Variants in SPIN2A observed in about 807,000 individuals in gnomAD.
The protein encoded by SPIN2A is spindlin family member 2A.
SPIN2A carries 4 observed loss-of-function variants against 9.2 expected under a neutral mutation model. That is an observed-to-expected ratio of 0.44 (90% CI 0.21 to 1.00). The LOEUF (loss-of-function observed/expected upper bound fraction) is 1.00, where lower values mean the gene tolerates loss of function less well. SPIN2A is among the 50% of genes least tolerant of loss of function. SPIN2A has a pLI of 0.26. For synonymous variants in SPIN2A, 25 were observed against 61.2 expected (o/e 0.41, Z 2.76); for missense variants, 77 against 172.8 (o/e 0.45, Z 3.11).
chrX:57,142,928 G>C, the SPIN2A span, among the ~76,000 whole-genome samples: 1 of 111,069 alleles, frequency 9.0e-6, no homozygotes, highest in Non-Finnish European at 1.9e-5. Context: ...AGTTATTCCT[G>C]CTCTATTTTG....
At position 57,137,242 on chromosome X, in the gene SPIN2A, C is replaced by G. The variant is rs1035845643; in HGVS notation, c.-6+18G>C. 13 of 759,526 alleles carry G rather than the reference C, an allele frequency of 1.7e-5. No individual in the cohort carries two copies. In the South Asian group the frequency reaches 3.9e-4, roughly 23 times the overall value. The allele number at this position is 759,526 out of a possible 1,213,427, so 62.6% of individuals were successfully genotyped here. ...CCACCGCCGGGGATCGCGGGCCTCA[C>G]GTGCCGAAATCGGATACCTCGATGC... On this transcript the variant is annotated intron_variant, in intron 1 of 1. Coordinates refer to ENST00000374906, the MANE Select transcript of SPIN2A (RefSeq NM_019003.5).
upstream of SPIN2A, among the ~76,000 whole-genome samples, chrX:57,138,505 A>G (rs1048015566): frequency 4.5e-5 from 5 of 110,679 alleles, no homozygotes; most frequent in Non-Finnish European, 9.4e-5. Context: ...TATTGTGATC[A>G]GTGCTGCAAA....
upstream of SPIN2A, among the ~76,000 whole-genome samples, chrX:57,142,431 A>G (rs1928027657): frequency 8.9e-6 from 1 of 112,209 alleles, no homozygotes; most frequent in South Asian, 3.6e-4. Flanking sequence ...CTGGTTATTT[A>G]TTTCTATTGT....
At chrX:57,141,996 T>C (rs1928015990), upstream of SPIN2A, among the ~76,000 whole-genome samples, 1 of 111,360 alleles carries the variant, frequency 9.0e-6, no homozygotes, top group Admixed American at 9.6e-5. Flanking sequence ...TTTTATTTAT[T>C]TGAGTCTTCT....
At chrX:57,136,783 T>TG (rs1927792856) in intron 1 of SPIN2A, 181 bp from the exon 2 acceptor site, 1 of 347,780 alleles carries the variant, frequency 2.9e-6, no homozygotes, top group South Asian at 4.1e-5. Context: ...CTTTGGGCTG[T>TG]GGGGAAGGGC....
chrX:57,137,847 C>G (rs1440190724), upstream of SPIN2A, among the ~76,000 whole-genome samples: 1 of 111,430 alleles, frequency 9.0e-6, no homozygotes, highest in Non-Finnish European at 1.9e-5. Flanking sequence ...TCCTTTACGA[C>G]CATATGCAAA....
At chrX:57,141,624 G>T (rs988538786), upstream of SPIN2A, among the ~76,000 whole-genome samples, 1 of 111,228 alleles carries the variant, frequency 9.0e-6, no homozygotes, top group Admixed American at 9.5e-5. Context: ...TTATTGGTCC[G>T]TTCAGGTTTT....
At chrX:57,145,877 G>A in the SPIN2A span, among the ~76,000 whole-genome samples, 4 of 111,497 alleles carry the variant, frequency 3.6e-5, no homozygotes, top group African/African-American at 1.3e-4. Context: ...TAGGCATTTA[G>A]GTTTATTTCT....
chrX:57,135,048 G>T (rs1313146427), downstream of SPIN2A: 1 of 111,137 alleles, frequency 9.0e-6, no homozygotes, highest in East Asian at 2.8e-4. Context: ...TGGGCCTTCC[G>T]ATCTCTCATG....
the SPIN2A span, among the ~76,000 whole-genome samples, chrX:57,144,458 C>T: frequency 3.7e-5 from 4 of 106,965 alleles, no homozygotes; most frequent in African/African-American, 1.4e-4. Flanking sequence ...GTTTTTTTTT[C>T]CCCTACTTGA....
upstream of SPIN2A, chrX:57,137,544 A>G (rs1927864713): frequency 8.0e-6 from 1 of 124,831 alleles, no homozygotes; most frequent in African/African-American, 3.2e-5. Flanking sequence ...CTACAGTGTT[A>G]GTTTCCTCTT....
chrX:57,143,061 C>A, the SPIN2A span, among the ~76,000 whole-genome samples: 1 of 111,289 alleles, frequency 9.0e-6, no homozygotes, highest in Non-Finnish European at 1.9e-5. Context: ...TTGATTCATT[C>A]AGCCACTCTA....
At chrX:57,136,792 G>T in intron 1 of SPIN2A, 190 bp from the exon 2 acceptor site, 2 of 369,869 alleles carry the variant, frequency 5.4e-6, no homozygotes, top group Non-Finnish European at 9.8e-6. Flanking sequence ...GTGGGGAAGG[G>T]CTGGGGTGGT....
chrX:57,145,042 A>G, the SPIN2A span, among the ~76,000 whole-genome samples: 2 of 111,278 alleles, frequency 1.8e-5, no homozygotes, highest in African/African-American at 3.3e-5. Flanking sequence ...GCATGTGCAG[A>G]TATCTTTTTT....
the SPIN2A span, among the ~76,000 whole-genome samples, chrX:57,144,549 G>T: frequency 9.3e-6 from 1 of 107,938 alleles, no homozygotes. Flanking sequence ...GGTTTTTGGT[G>T]GAACAGGTGG....
the SPIN2A span, among the ~76,000 whole-genome samples, chrX:57,144,139 T>C: frequency 8.9e-6 from 1 of 112,147 alleles, no homozygotes; most frequent in Non-Finnish European, 1.9e-5. Flanking sequence ...CATCCTGTTC[T>C]TTACTGGCTT....
chrX:57,134,928 G>A (rs1489216635), downstream of SPIN2A: 1 of 111,826 alleles, frequency 8.9e-6, no homozygotes, highest in African/African-American at 3.3e-5. Context: ...CTGTCAACAT[G>A]CTCTTCTAGT....
chrX:57,139,122 G>A (rs527834121), upstream of SPIN2A, among the ~76,000 whole-genome samples: 3 of 112,064 alleles, frequency 2.7e-5, no homozygotes, highest in Admixed American at 9.4e-5. Context: ...TCAAGAAATC[G>A]TTGCTCAGAC....
chrX:57,141,385 C>T (rs940680270), upstream of SPIN2A, among the ~76,000 whole-genome samples: 5 of 111,552 alleles, frequency 4.5e-5, no homozygotes, highest in African/African-American at 1.6e-4. Context: ...GTAATATTGG[C>T]GTATAATGTT....
Sources: gnomAD v4.1 joint callset for allele counts (sites outside exome capture counted in the v4.1 genomes callset) on GRCh38, gnomAD v4.1.1 for gene constraint, MANE v1.5 for transcripts, NCBI Gene and HGNC (gene_info 2026-07-23, HGNC 2026-07-21) for gene names.